APC: variants seen among roughly 807,000 people sequenced by gnomAD.
The protein encoded by APC is APC regulator of Wnt signaling pathway.
APC carries 72 observed loss-of-function variants against 247.0 expected under a neutral mutation model. The observed-to-expected ratio is 0.29, with a 90% CI of 0.24 to 0.35. The LOEUF is 0.35. Among genes scored for constraint, APC ranks in the 10% least tolerant of loss-of-function variants. The probability of loss-of-function intolerance (pLI) is 1.00; values close to 1 mark genes in which losing one functional copy is unlikely to be tolerated. For missense variants in APC, 3,400 were observed against 3,360.7 expected (o/e 1.01, Z -0.29); for synonymous variants, 1,254 against 1,162.5 (o/e 1.08, Z -1.60).
intron 7 of APC, among the ~76,000 whole-genome samples, chr5:112,797,135 T>C (rs912642338): frequency 1.3e-5 from 2 of 152,196 alleles, no homozygotes; most frequent in Non-Finnish European, 1.5e-5. Context: ...TCTGCTACTA[T>C]GATCCAACCT....
chr5:112,710,322 T>C (rs1285928323), intron 1 of APC, among the ~76,000 whole-genome samples: 2 of 152,180 alleles, frequency 1.3e-5, no homozygotes, highest in Non-Finnish European at 2.9e-5. Context: ...TAACTTAATC[T>C]CTTCCTTTGC....
rs1181824247 is a variant in APC at position 112,815,178 on chromosome 5, A to G, written c.835-317A>G. Among the ~76,000 whole-genome samples, 5 of 152,200 alleles carry G rather than the reference A, an allele frequency of 3.3e-5. No individual in the cohort carries two copies. The East Asian group carries it at 7.7e-4, about 23-fold the overall frequency. Reference sequence around the variant, plus strand: ...AACATTCCTTCAATGCTTTTCATCAATGAACTTATCTGAATGTGGTTTTAT... The same window carrying G: ...AACATTCCTTCAATGCTTTTCATCAGTGAACTTATCTGAATGTGGTTTTAT... On this transcript the variant is annotated intron_variant, in intron 8 of 15. Coordinates refer to ENST00000257430, the MANE Select transcript of APC (RefSeq NM_000038.6).
intron 11 of APC, among the ~76,000 whole-genome samples, chr5:112,826,225 T>A (rs1399888688): frequency 6.6e-6 from 1 of 152,258 alleles, no homozygotes; most frequent in African/African-American, 2.4e-5. Context: ...ATTGCCTGTT[T>A]ATATTCATCT....
At chr5:112,796,409 C>A (rs1760218924) in intron 7 of APC, among the ~76,000 whole-genome samples, 1 of 152,070 alleles carries the variant, frequency 6.6e-6, no homozygotes, top group East Asian at 1.9e-4. Flanking sequence ...TTTTTAATAT[C>A]TGAGGAACTT....
At chr5:112,804,975 A>T (rs1205326271) in intron 8 of APC, among the ~76,000 whole-genome samples, 1 of 151,584 alleles carries the variant, frequency 6.6e-6, no homozygotes, top group Non-Finnish European at 1.5e-5. Flanking sequence ...GGCAAAAAAT[A>T]TTTTTTTTAA....
At chr5:112,748,103 A>G (rs1753887605) in intron 1 of APC, among the ~76,000 whole-genome samples, 1 of 151,934 alleles carries the variant, frequency 6.6e-6, no homozygotes, top group Admixed American at 6.5e-5. Context: ...ATGCTTGCCA[A>G]CCCCCGCTCC....
upstream of APC, among the ~76,000 whole-genome samples, chr5:112,735,871 C>G (rs1752354576): frequency 6.6e-6 from 1 of 152,076 alleles, no homozygotes; most frequent in African/African-American, 2.4e-5. Flanking sequence ...TCATTTAAGT[C>G]ACTGATGAAT....
rs1381651655 is a variant in APC, at chr5:112,845,607, T to A, written c.*1481T>A. ...AATACGATTAAGATATTCAGAAGTA[T>A]ATTTTAGAATCCCTGCCTGTTAAGG... On this transcript the variant is annotated 3_prime_UTR_variant, in exon 16 of 16. Coordinates refer to ENST00000257430, the MANE Select transcript of APC (RefSeq NM_000038.6). The A allele has an allele frequency of 4.3e-6, 1 of 232,426 alleles. No individual in the cohort carries two copies. The highest frequency in any genetic ancestry group is 8.5e-6 in the Non-Finnish European group (1 of 117,534). 14.4% of individuals were successfully genotyped at this position (232,426 alleles called of 1,614,324 possible).
In APC at chr5:112,843,300, GTTCATC is replaced by G. The variant is rs760567682; in HGVS notation, c.7711_7716del (p.Ser2571_Ser2572del). 6.2e-7 allele frequency: 1 copy of G among 1,613,554 alleles called. No individual in the cohort carries two copies. The highest frequency in any genetic ancestry group is 8.5e-7 in the Non-Finnish European group (1 of 1,179,532). ...GTAAGCACTTGGAGAAGAACTGGAA[GTTCATC>G]TTCAATTCTTTCTGCTTCATCAGAA... On this transcript the variant is annotated inframe_deletion, in exon 16 of 16. Coordinates refer to ENST00000257430, the MANE Select transcript of APC (RefSeq NM_000038.6). This position sits in a 1 kb window ranked among gnomAD's most constrained non-coding sequence, Gnocchi z 4.8.
Position 112,707,663 on chromosome 5 carries a change from C to T in APC, c.-55C>T, listed in dbSNP as rs1189950358. The T allele has an allele frequency of 1.2e-5, 16 of 1,367,824 alleles. No individual in the cohort carries two copies. Among genetic ancestry groups the T allele is most frequent in the Non-Finnish European group, 1.9e-6 (2 of 1,036,494 alleles). 84.7% of individuals were successfully genotyped at this position (1,367,824 alleles called of 1,614,324 possible). A position where few individuals can be genotyped will look rare whatever the true frequency, so the allele number is the denominator to read the frequency against. On this transcript the variant is annotated 5_prime_UTR_variant, in exon 1 of 14. Transcript: ENST00000507379. ...TGCTGTTCCCAGGTACTGTTGTTGG[C>T]TGTTGGTGAGGAAGGTGAAGCACTC...
intron 1 of APC, among the ~76,000 whole-genome samples, chr5:112,745,571 TA>T (rs1265793163): frequency 6.6e-6 from 1 of 151,262 alleles, no homozygotes; most frequent in Non-Finnish European, 1.5e-5. Context: ...TTATTATTAT[TA>T]TTATTTTTTG....
At chr5:112,784,862 T>C (rs946662019) in intron 6 of APC, among the ~76,000 whole-genome samples, 7 of 152,052 alleles carry the variant, frequency 4.6e-5, no homozygotes, top group South Asian at 2.1e-4. Flanking sequence ...GTGAAATAGC[T>C]CAGGCCTGTA....
chr5:112,735,829 A>G (rs1451703490), upstream of APC, among the ~76,000 whole-genome samples: 1 of 152,222 alleles, frequency 6.6e-6, no homozygotes, highest in Non-Finnish European at 1.5e-5. Context: ...ACTAATGAAC[A>G]TATAATGGTC....
intron 5 of APC, among the ~76,000 whole-genome samples, chr5:112,779,460 A>G (rs1390205407): frequency 6.6e-6 from 1 of 152,208 alleles, no homozygotes; most frequent in Non-Finnish European, 1.5e-5. Flanking sequence ...TTAATATGAT[A>G]TATAAGACAT....
At chr5:112,796,486 A>T (rs991921359) in intron 7 of APC, among the ~76,000 whole-genome samples, 1 of 152,208 alleles carries the variant, frequency 6.6e-6, no homozygotes, top group Admixed American at 6.5e-5. Context: ...TTTAAGTACA[A>T]TGTGATAGTC....
intron 1 of APC, among the ~76,000 whole-genome samples, chr5:112,709,446 C>T (rs1750721287): frequency 6.6e-6 from 1 of 152,178 alleles, no homozygotes; most frequent in Admixed American, 6.5e-5. Flanking sequence ...GAACCAGAGC[C>T]TGTGTGTTTT....
chr5:112,726,576 CATCTTTTGGGT>C (rs1216118402), intron 1 of APC, among the ~76,000 whole-genome samples: 1 of 152,102 alleles, frequency 6.6e-6, no homozygotes, highest in African/African-American at 2.4e-5. Flanking sequence ...GACCAGAAGG[CATCTTTTGGGT>C]GCAAAAAAAG....
chr5:112,833,547 C>T (rs1203939936), intron 14 of APC, among the ~76,000 whole-genome samples: 3 of 152,096 alleles, frequency 2.0e-5, no homozygotes, highest in Non-Finnish European at 2.9e-5. Context: ...TGGTTTTTAA[C>T]TCCTAGGCTT....
At chr5:112,729,623 C>T (rs1204691581) in intron 1 of APC, among the ~76,000 whole-genome samples, 3 of 152,206 alleles carry the variant, frequency 2.0e-5, no homozygotes, top group Non-Finnish European at 4.4e-5. Context: ...ATTCTGATTA[C>T]ACTGGGAAGC....
Sources: allele counts gnomAD v4.1 joint callset (sites outside exome capture counted in the v4.1 genomes callset), GRCh38; gene constraint gnomAD v4.1.1; non-coding constraint Gnocchi (gnomAD v3.1); transcripts MANE v1.5; gene names NCBI Gene and HGNC (gene_info 2026-07-23, HGNC 2026-07-21).